The following KIZ variants were observed in gnomAD, a reference collection of about 807,000 sequenced individuals.
The protein encoded by KIZ is kizuna centrosomal protein.
A neutral mutation model predicts 79.6 loss-of-function variants in KIZ; 68 were observed. That is an observed-to-expected ratio of 0.85 (90% CI 0.70 to 1.05). The LOEUF (loss-of-function observed/expected upper bound fraction) is 1.05. KIZ is among the 50% of genes least tolerant of loss of function. The pLI, the probability that KIZ is intolerant of heterozygous loss-of-function variation, is 0.00. For synonymous variants in KIZ, 280 were observed against 281.8 expected (o/e 0.99, Z 0.06); for missense variants, 797 against 800.4 (o/e 1.00, Z 0.05).
At chr20:21,177,034 G>A (rs190395595) in intron 6 of KIZ, among the ~76,000 whole-genome samples, 6 of 152,298 alleles carry the variant, frequency 3.9e-5, no homozygotes, top group East Asian at 1.9e-4. Context: ...CTAGATCTTC[G>A]CTATTGCGAA....
rs1310524698 is a variant in KIZ, at chr20:21,214,518, T to A, written c.1447-17T>A. The A allele has an allele frequency of 6.3e-7, 1 of 1,581,782 alleles. No individual in the cohort carries two copies. The highest frequency in any genetic ancestry group is 1.3e-5 in the African/African-American group (1 of 74,270). On this transcript the variant is annotated splice_polypyrimidine_tract_variant and intron_variant, in intron 7 of 12. Coordinates refer to ENST00000619189, the MANE Select transcript of KIZ (RefSeq NM_018474.6). The stretch of plus-strand genomic sequence containing the variant: ...AGTTTGTTTTTATTTCTTTGTGCTT[T>A]TTTTGAAACACTGTAGGCAACAGCA...
intron 6 of KIZ, among the ~76,000 whole-genome samples, chr20:21,181,510 G>T (rs2034654070): frequency 1.3e-5 from 2 of 151,124 alleles, no homozygotes; most frequent in African/African-American, 4.9e-5. Flanking sequence ...CCATACCAGA[G>T]TGCAGTGGCG....
At chr20:21,179,938 A>G (rs1242698628) in intron 6 of KIZ, among the ~76,000 whole-genome samples, 3 of 152,200 alleles carry the variant, frequency 2.0e-5, no homozygotes, top group Non-Finnish European at 4.4e-5. Context: ...GGTATGATTC[A>G]GTCTTTTTAA....
At chr20:21,150,918 A>G (rs947324757) in intron 4 of KIZ, 1 of 152,236 alleles carries the variant, frequency 6.6e-6, no homozygotes, top group Non-Finnish European at 1.5e-5. Flanking sequence ...GTTCGAGGGC[A>G]GATGACATTT....
chr20:21,236,410 TA>T (rs1428160344), intron 11 of KIZ, among the ~76,000 whole-genome samples: 2 of 152,262 alleles, frequency 1.3e-5, no homozygotes, highest in African/African-American at 2.4e-5. Context: ...TTAGAAATTG[TA>T]ATACTGATTT....
At chr20:21,134,962 C>T (rs984956202) in intron 2 of KIZ, among the ~76,000 whole-genome samples, 6 of 152,264 alleles carry the variant, frequency 3.9e-5, no homozygotes, top group East Asian at 1.9e-4. Context: ...CCCCCATGCC[C>T]GACCCATCTT....
rs6106339 is a variant in KIZ at position 21,178,721 on chromosome 20, C to T, written c.1352+15562C>T. Among the ~76,000 whole-genome samples the T allele has an allele frequency of 2.1e-4, 32 of 152,178 alleles. No individual in the cohort carries two copies. In the East Asian group the frequency reaches 6.0e-3, roughly 28 times the overall value. ...TAGCTGTGAACTTTATATATGTGAC[C>T]TTTATTAAGCTGAGGTAATTTCATC... On this transcript the variant is annotated intron_variant, in intron 6 of 12. Coordinates refer to ENST00000619189, the MANE Select transcript of KIZ (RefSeq NM_018474.6).
chr20:21,178,990 A>G (rs1014737563), intron 6 of KIZ, among the ~76,000 whole-genome samples: 5 of 151,904 alleles, frequency 3.3e-5, no homozygotes, highest in Non-Finnish European at 5.9e-5. Flanking sequence ...TGTTGACAAT[A>G]TTTGTGTCTA....
At chr20:21,224,838 A>G (rs530145253) in intron 9 of KIZ, among the ~76,000 whole-genome samples, 1 of 152,270 alleles carries the variant, frequency 6.6e-6, no homozygotes, top group Admixed American at 6.5e-5. Flanking sequence ...GCAGGTGTAC[A>G]TTTGCATATA....
intron 11 of KIZ, among the ~76,000 whole-genome samples, chr20:21,233,956 GTTAAAGTA>G (rs1235917148): frequency 2.0e-5 from 3 of 152,134 alleles, no homozygotes; most frequent in African/African-American, 7.2e-5. Flanking sequence ...CAGGAAGAGT[GTTAAAGTA>G]TTATGTTATT....
intron 4 of KIZ, among the ~76,000 whole-genome samples, chr20:21,152,641 T>A (rs1199188520): frequency 6.6e-6 from 1 of 152,196 alleles, no homozygotes; most frequent in Non-Finnish European, 1.5e-5. Context: ...TAGGAAGTGT[T>A]ACTTGAAAAC....
At chr20:21,219,860 T>C (rs1057025585) in intron 9 of KIZ, among the ~76,000 whole-genome samples, 1 of 152,192 alleles carries the variant, frequency 6.6e-6, no homozygotes, top group African/African-American at 2.4e-5. Context: ...CTAATCGTTA[T>C]TATGGAGCAT....
chr20:21,163,390 A>C (rs746379353), intron 6 of KIZ, among the ~76,000 whole-genome samples: 9 of 152,162 alleles, frequency 5.9e-5, no homozygotes, highest in Non-Finnish European at 1.2e-4. Context: ...AAGTTTGAAT[A>C]TCATTGAATC....
At chr20:21,132,245 GT>G (rs1332045626) in intron 2 of KIZ, 86 bp downstream of exon 2, 25 of 677,768 alleles carry the variant, frequency 3.7e-5, no homozygotes, top group Non-Finnish European at 6.0e-5. Flanking sequence ...CATAAATATT[GT>G]AGTTAGAGTA....
chr20:21,129,414 C>T (rs2031695397), intron 1 of KIZ, among the ~76,000 whole-genome samples: 1 of 152,142 alleles, frequency 6.6e-6, no homozygotes, highest in Non-Finnish European at 1.5e-5. Context: ...TCCTTTTTCA[C>T]TAGAAGTCAT....
At chr20:21,170,554 A>G (rs780089147) in intron 6 of KIZ, among the ~76,000 whole-genome samples, 1 of 151,834 alleles carries the variant, frequency 6.6e-6, no homozygotes, top group Non-Finnish European at 1.5e-5. Context: ...ATGCCTGGCT[A>G]ATTTTTTGTA....
intron 7 of KIZ, among the ~76,000 whole-genome samples, chr20:21,210,617 T>C (rs2036027800): frequency 6.6e-6 from 1 of 152,214 alleles, no homozygotes; most frequent in Non-Finnish European, 1.5e-5. Context: ...TTCCTAGATA[T>C]AGAATTAGTA....
At chr20:21,199,652 C>T (rs145537951) in intron 6 of KIZ, among the ~76,000 whole-genome samples, 1 of 152,248 alleles carries the variant, frequency 6.6e-6, no homozygotes, top group African/African-American at 2.4e-5. Context: ...CTCTTGTGCC[C>T]CTTAGCACCC....
chr20:21,217,570 A>C (rs2036342983), intron 9 of KIZ, among the ~76,000 whole-genome samples: 1 of 152,080 alleles, frequency 6.6e-6, no homozygotes, highest in African/African-American at 2.4e-5. Flanking sequence ...AGGTTGAGGA[A>C]ATGTAGCAGT....
Sources: gnomAD v4.1 joint callset for allele counts (sites outside exome capture counted in the v4.1 genomes callset) on GRCh38, gnomAD v4.1.1 for gene constraint, MANE v1.5 for transcripts, NCBI Gene and HGNC (gene_info 2026-07-23, HGNC 2026-07-21) for gene names.